PITRM1: variants seen among roughly 807,000 people sequenced by gnomAD.
PITRM1 encodes the protein presequence protease, mitochondrial.
In PITRM1, 100 loss-of-function variants were observed where a neutral mutation model predicts 129.9. The ratio of observed to expected loss-of-function variants is 0.77; its 90% CI spans 0.65 to 0.91. PITRM1 has a LOEUF of 0.91. Among genes scored for constraint, PITRM1 ranks in the 40% least tolerant of loss-of-function variants. PITRM1 has a pLI of 0.00. For synonymous variants in PITRM1, 591 were observed against 508.8 expected (o/e 1.16, Z -2.17); for missense variants, 1,471 against 1,318.3 (o/e 1.12, Z -1.79).
chr10:3,150,530 A>G (rs997856184), intron 15 of PITRM1, among the ~76,000 whole-genome samples: 1 of 152,200 alleles, frequency 6.6e-6, no homozygotes, highest in Non-Finnish European at 1.5e-5. Context: ...CCCCGTCCTC[A>G]AGGTGCAAGT....
At chr10:3,159,331 A>C (rs1030263716) in intron 9 of PITRM1, among the ~76,000 whole-genome samples, 3 of 152,224 alleles carry the variant, frequency 2.0e-5, no homozygotes, top group Non-Finnish European at 4.4e-5. Flanking sequence ...CAGCACCATT[A>C]AGGAGACAAG....
chr10:3,137,892 TTTTGA>T lies in PITRM1; in HGVS notation c.*134_*138del. The stretch of plus-strand genomic sequence containing the variant: ...GGTCACTCTTAAGATAGATCTGAGT[TTTTGA>T]CTCGCCAGTCAAGGGCTTTGGCGAC... On this transcript the variant is annotated 3_prime_UTR_variant, in exon 27 of 27. Transcript: ENST00000224949. 6.5e-6 allele frequency: 4 copies of T among 616,422 alleles called. No homozygotes were observed. The highest frequency in any genetic ancestry group is 1.2e-5 in the Non-Finnish European group (4 of 347,036). The allele number at this position is 616,422 out of a possible 1,614,324, so 38.2% of individuals were successfully genotyped here.
intron 1 of PITRM1, among the ~76,000 whole-genome samples, chr10:3,170,671 T>C (rs1843254959): frequency 6.6e-6 from 1 of 152,182 alleles, no homozygotes; most frequent in Non-Finnish European, 1.5e-5. Context: ...CAAAGTGGAA[T>C]AACTTTGGAA....
chr10:3,163,437 C>T (rs1842611881), intron 7 of PITRM1: 1 of 206,506 alleles, frequency 4.8e-6, no homozygotes, highest in Non-Finnish European at 9.7e-6. Context: ...ACTTTCCACG[C>T]AACCAAGCTA....
chr10:3,141,839 T>C, intron 23 of PITRM1: 4 of 279,622 alleles, frequency 1.4e-5, no homozygotes, highest in Non-Finnish European at 3.0e-5. Flanking sequence ...CCATCTCGTG[T>C]GGGTCCTCCA....
At chr10:3,143,679 G>A (rs575759587) in intron 22 of PITRM1, 178 bp from the exon 23 acceptor site, 70 of 711,306 alleles carry the variant, frequency 9.8e-5, no homozygotes, top group Admixed American at 7.6e-4. Context: ...GTGCTGGGGC[G>A]CGAGAGCAAG....
At chr10:3,167,100 G>A in intron 2 of PITRM1, 58 bp from the exon 3 acceptor site, 1 of 1,002,360 alleles carries the variant, frequency 1.0e-6, no homozygotes, top group Non-Finnish European at 1.5e-6. Flanking sequence ...CTTTGAAATG[G>A]TTATGTTCGA....
chr10:3,147,203 G>C lies in PITRM1; in HGVS notation c.2283C>G (p.Ile761Met), dbSNP rs886644028. 25 of 1,612,290 alleles carry C rather than the reference G, an allele frequency of 1.6e-5. No individual in the cohort carries two copies. The highest frequency in any genetic ancestry group is 2.0e-5 in the Non-Finnish European group (24 of 1,178,520). The change falls in exon 20 of 27, where the codon ATC (isoleucine) becomes ATG (methionine). Residue 761 changes from isoleucine to methionine, a missense_variant. Ile to Met is a conservative substitution (Grantham distance 10). Transcript: ENST00000224949. ...RIAEMTDIKP[I>M]LRKLPRIKKH... Reference sequence around the variant, plus strand: ...TCTTGATACGCGGGAGCTTCCTCAGGATGGGTTTGATATCTGTCATTTCTG... The same window carrying C: ...TCTTGATACGCGGGAGCTTCCTCAGCATGGGTTTGATATCTGTCATTTCTG...
chr10:3,167,605 C>T (rs1389135479), intron 2 of PITRM1, among the ~76,000 whole-genome samples: 6 of 152,214 alleles, frequency 3.9e-5, no homozygotes, highest in Admixed American at 3.9e-4. Context: ...TGTGCTGTGC[C>T]TCAGTAACAC....
chr10:3,169,437 C>G (rs1409054271), intron 2 of PITRM1, among the ~76,000 whole-genome samples: 1 of 152,220 alleles, frequency 6.6e-6, no homozygotes, highest in Non-Finnish European at 1.5e-5. Context: ...TGGCGTCCAC[C>G]ATGTGCCTCC....
rs1002609237 is a variant in PITRM1 at position 3,144,042 on chromosome 10, G to T, written c.2532+250C>A. 110 of 575,982 alleles carry T rather than the reference G, an allele frequency of 1.9e-4. No homozygotes were observed. The highest frequency in any genetic ancestry group is 2.5e-4 in the Non-Finnish European group (82 of 324,252). The allele number at this position is 575,982 out of a possible 1,614,324, so 35.7% of individuals were successfully genotyped here. A position where few individuals can be genotyped will look rare whatever the true frequency, so the allele number is the denominator to read the frequency against. ...CAGTAGCCCTCTTCCTGGGCACAGG[G>T]AAGACGCACCCCATACCAGGGCCCT... On this transcript the variant is annotated intron_variant, in intron 22 of 26. Coordinates refer to ENST00000224949, the MANE Select transcript of PITRM1 (RefSeq NM_014889.4).
chr10:3,149,588 A>G (rs768411701), intron 16 of PITRM1, 33 bp downstream of exon 16: 32 of 1,515,018 alleles, frequency 2.1e-5, no homozygotes, highest in Non-Finnish European at 2.4e-5. Flanking sequence ...GCAGACATTA[A>G]TAAGACACAC....
chr10:3,165,042 G>A (rs1288576475), intron 6 of PITRM1, among the ~76,000 whole-genome samples, 196 bp downstream of exon 6: 2 of 152,208 alleles, frequency 1.3e-5, no homozygotes, highest in Non-Finnish European at 2.9e-5. Flanking sequence ...CCCAGACATG[G>A]TCTGAGACCT....
chr10:3,155,448 A>C, intron 14 of PITRM1, 143 bp downstream of exon 14: 2 of 933,924 alleles, frequency 2.1e-6, no homozygotes, highest in Non-Finnish European at 3.3e-6. Flanking sequence ...TCTGAACTCA[A>C]TGCATCGAAC....
intron 7 of PITRM1, among the ~76,000 whole-genome samples, chr10:3,162,460 A>G (rs1842533881): frequency 6.6e-6 from 1 of 152,240 alleles, no homozygotes; most frequent in South Asian, 2.1e-4. Context: ...TGAGGAACTC[A>G]TTATCACAGG....
Position 3,139,046 on chromosome 10 carries a change from G to A in PITRM1, c.2775C>T (p.Asp925=), listed in dbSNP as rs753151166. ...NGIFTLYSYR[D]PNTIETLQSF... ...ACTGGAGCGTCTCTATTGTATTTGG[G>A]TCCCTAGGAAACCCAGAGAAATAAA... The change falls in exon 25 of 27, where the codon GAC becomes GAT. Residue 925 remains aspartate (D), a synonymous_variant. Transcript: ENST00000224949. 6.2e-7 allele frequency: 1 copy of A among 1,613,254 alleles called. No homozygotes were observed. Among genetic ancestry groups the A allele is most frequent in the African/African-American group, 1.3e-5 (1 of 74,894 alleles).
chr10:3,147,349 G>T (rs755878606), intron 19 of PITRM1, 99 bp from the exon 20 acceptor site: 5 of 1,040,882 alleles, frequency 4.8e-6, no homozygotes, highest in Non-Finnish European at 7.4e-6. Context: ...GCTTGGGCAG[G>T]GGTTATGTGT....
chr10:3,145,806 T>C, intron 20 of PITRM1, 90 bp from the exon 21 acceptor site: 11 of 1,063,764 alleles, frequency 1.0e-5, no homozygotes, highest in Non-Finnish European at 1.5e-5. Context: ...ATAATGTTGT[T>C]TTTATAGAAA....
chr10:3,153,763 T>C (rs1841726203), intron 14 of PITRM1, among the ~76,000 whole-genome samples: 1 of 152,114 alleles, frequency 6.6e-6, no homozygotes, highest in South Asian at 2.1e-4. Flanking sequence ...CAAAATGGAG[T>C]CACTTACTTT....
Sources: allele counts gnomAD v4.1 joint callset (sites outside exome capture counted in the v4.1 genomes callset), GRCh38; gene constraint gnomAD v4.1.1; transcripts MANE v1.5; gene names NCBI Gene and HGNC (gene_info 2026-07-23, HGNC 2026-07-21).